Variants in PIK3C2G observed in about 807,000 individuals in gnomAD.
The protein encoded by PIK3C2G is phosphatidylinositol-4-phosphate 3-kinase catalytic subunit type 2 gamma, also known as phosphatidylinositol 3-kinase C2 domain-containing subunit gamma.
PIK3C2G carries 168 observed loss-of-function variants against 181.1 expected under a neutral mutation model. The ratio of observed to expected loss-of-function variants is 0.93; its 90% CI spans 0.82 to 1.05. PIK3C2G has a LOEUF of 1.05. Ranked by LOEUF, PIK3C2G falls within the 50% of genes least tolerant of loss-of-function variation. The pLI is 0.00. For synonymous variants in PIK3C2G, 573 were observed against 592.2 expected (o/e 0.97, Z 0.47); for missense variants, 1,869 against 1,732.8 (o/e 1.08, Z -1.40).
rs374764289 is a variant in PIK3C2G at position 18,642,824 on chromosome 12, A to G, written c.4308+2270A>G. On this transcript the variant is annotated intron_variant, in intron 32 of 32. Coordinates refer to ENST00000538779, the MANE Select transcript of PIK3C2G (RefSeq NM_001288772.2). ...TGTGTGTGTGTGTGTGTGTGTGTGT[A>G]TAAAATGTAAATACATGTATATACT... Among the ~76,000 whole-genome samples the G allele has an allele frequency of 4.8e-3, 484 of 100,146 alleles. 1 individual carries two copies. The highest frequency in any genetic ancestry group is 0.017 in the African/African-American group (429 of 24,746). 65.7% of individuals were successfully genotyped at this position (100,146 alleles called of 152,430 possible).
intron 16 of PIK3C2G, among the ~76,000 whole-genome samples, chr12:18,417,699 C>T (rs1051259249): frequency 6.6e-5 from 10 of 151,812 alleles, no homozygotes; most frequent in African/African-American, 2.4e-4. Context: ...AATGCTATTA[C>T]ACATTTAGTA....
chr12:18,535,643 A>G (rs117747873), intron 24 of PIK3C2G, among the ~76,000 whole-genome samples: 2 of 152,232 alleles, frequency 1.3e-5, no homozygotes, highest in South Asian at 2.1e-4. Flanking sequence ...GTAAAAAATT[A>G]ATACTCTTCT....
chr12:18,324,807 T>A (rs1218079680), intron 7 of PIK3C2G, among the ~76,000 whole-genome samples: 1 of 152,224 alleles, frequency 6.6e-6, no homozygotes, highest in Non-Finnish European at 1.5e-5. Context: ...TTATCATGAA[T>A]TCTTTGGAGT....
At chr12:18,524,532 T>G (rs559337384) in intron 24 of PIK3C2G, among the ~76,000 whole-genome samples, 96 of 152,208 alleles carry the variant, frequency 6.3e-4, no homozygotes, top group African/African-American at 2.3e-3. Context: ...GGTGTGACCT[T>G]AAACTAGTGG....
chr12:18,257,543 G>A (rs898524955), upstream of PIK3C2G, among the ~76,000 whole-genome samples: 3 of 151,854 alleles, frequency 2.0e-5, no homozygotes, highest in Non-Finnish European at 2.9e-5. Context: ...TTTTGCCACA[G>A]CTGCTTCTCA....
intron 18 of PIK3C2G, among the ~76,000 whole-genome samples, chr12:18,446,832 T>C (rs1947056657): frequency 6.6e-6 from 1 of 152,322 alleles, no homozygotes; most frequent in South Asian, 2.1e-4. Context: ...TACTTCTGTA[T>C]ATATACAGTC....
the PIK3C2G span, among the ~76,000 whole-genome samples, chr12:18,709,596 C>T: frequency 6.6e-6 from 1 of 151,864 alleles, no homozygotes; most frequent in African/African-American, 2.4e-5. Flanking sequence ...AATCTGTACA[C>T]TGTAGCCTAG....
intron 13 of PIK3C2G, among the ~76,000 whole-genome samples, chr12:18,373,297 T>C (rs1362071892): frequency 6.6e-6 from 1 of 152,206 alleles, no homozygotes; most frequent in Non-Finnish European, 1.5e-5. Context: ...ATCTGTCTTT[T>C]ATTACAGTTC....
intron 1 of PIK3C2G, among the ~76,000 whole-genome samples, chr12:18,267,545 G>A (rs777957939): frequency 2.6e-5 from 4 of 151,798 alleles, no homozygotes; most frequent in Non-Finnish European, 4.4e-5. Context: ...AATTCTCTCC[G>A]TTGATGACTC....
At chr12:18,494,632 G>A (rs1940853052) in intron 20 of PIK3C2G, among the ~76,000 whole-genome samples, 1 of 151,972 alleles carries the variant, frequency 6.6e-6, no homozygotes, top group African/African-American at 2.4e-5. Flanking sequence ...CAGCCTCCCT[G>A]AACTTGGGAT....
Position 18,639,193 on chromosome 12 carries a change from A to G in PIK3C2G, c.4183-1236A>G, listed in dbSNP as rs675921. Reference sequence around the variant, plus strand: ...GTTAATAATTATAATAAAAACCCAAACTGTCTAATGATATAATTTTTAATA... The same window carrying G: ...GTTAATAATTATAATAAAAACCCAAGCTGTCTAATGATATAATTTTTAATA... On this transcript the variant is annotated intron_variant, in intron 31 of 32. Coordinates refer to ENST00000538779, the MANE Select transcript of PIK3C2G (RefSeq NM_001288772.2). 2.8e-3 allele frequency among the ~76,000 whole-genome samples: 433 copies of G among 152,050 alleles called. 2 individuals carry two copies. The highest frequency in any genetic ancestry group is 9.9e-3 in the African/African-American group (409 of 41,510).
chr12:18,713,295 CTCTGAAA>C, the PIK3C2G span, among the ~76,000 whole-genome samples: 1 of 152,120 alleles, frequency 6.6e-6, no homozygotes, highest in Non-Finnish European at 1.5e-5. Flanking sequence ...ATAGTTGTAG[CTCTGAAA>C]CATCCCTACT....
At position 18,638,972 on chromosome 12, in the gene PIK3C2G, AT is replaced by A. The variant is rs1332757679; in HGVS notation, c.4183-1456del. Among the ~76,000 whole-genome samples the A allele has an allele frequency of 2.5e-4, 38 of 150,764 alleles. No individual in the cohort carries two copies. In the East Asian group the frequency reaches 4.5e-3, roughly 18 times the overall value. ...TCACCAAAAAAAAAAAAAAAAAAAA[AT>A]CTACTCCCAAATATTAATAGCAACT... is the stretch of plus-strand genomic sequence containing the variant. On this transcript the variant is annotated intron_variant, in intron 31 of 32. Coordinates refer to ENST00000538779, the MANE Select transcript of PIK3C2G (RefSeq NM_001288772.2).
At chr12:18,644,259 G>A (rs955250239) in intron 32 of PIK3C2G, among the ~76,000 whole-genome samples, 6 of 152,106 alleles carry the variant, frequency 3.9e-5, no homozygotes, top group African/African-American at 1.4e-4. Context: ...GGGGCTGGGG[G>A]TGTGAGTGCT....
chr12:18,410,320 C>A (rs1173633451), intron 16 of PIK3C2G, among the ~76,000 whole-genome samples: 1 of 152,004 alleles, frequency 6.6e-6, no homozygotes, highest in Non-Finnish European at 1.5e-5. Flanking sequence ...GCCTGGCCAA[C>A]ATGGTGAAAC....
chr12:18,294,991 T>G (rs950488428), intron 5 of PIK3C2G, among the ~76,000 whole-genome samples: 1 of 135,526 alleles, frequency 7.4e-6, no homozygotes, highest in South Asian at 2.3e-4. Context: ...GTGTTAACAG[T>G]GAATGGCCTT....
intron 11 of PIK3C2G, among the ~76,000 whole-genome samples, chr12:18,350,819 T>C (rs1252427708): frequency 1.3e-5 from 2 of 152,298 alleles, no homozygotes; most frequent in African/African-American, 4.8e-5. Context: ...ACCAGAAAGA[T>C]GCAACAAAGT....
At chr12:18,326,839 T>C (rs1565601686) in intron 8 of PIK3C2G, among the ~76,000 whole-genome samples, 1 of 152,160 alleles carries the variant, frequency 6.6e-6, no homozygotes. Flanking sequence ...AGAAATACTT[T>C]TGAGGTTATG....
chr12:18,696,771 C>T, the PIK3C2G span, among the ~76,000 whole-genome samples: 2 of 152,044 alleles, frequency 1.3e-5, no homozygotes, highest in African/African-American at 4.8e-5. Context: ...AAAGGCACCC[C>T]AAAGTTGTCC....
Sources: gnomAD v4.1 joint callset for allele counts (sites outside exome capture counted in the v4.1 genomes callset) on GRCh38, gnomAD v4.1.1 for gene constraint, MANE v1.5 for transcripts, NCBI Gene and HGNC (gene_info 2026-07-23, HGNC 2026-07-21) for gene names.